Variants in CTIF observed in about 807,000 individuals in gnomAD.
The protein encoded by CTIF is cap binding complex dependent translation initiation factor.
In CTIF, 21 loss-of-function variants were observed where a neutral mutation model predicts 66.0. The observed-to-expected ratio is 0.32, with a 90% CI of 0.23 to 0.46. The LOEUF (loss-of-function observed/expected upper bound fraction) is 0.46, where lower values mean the gene tolerates loss of function less well. Ranked by LOEUF, CTIF falls within the 20% of genes least tolerant of loss-of-function variation. The pLI is 1.00. For synonymous variants in CTIF, 345 were observed against 326.4 expected (o/e 1.06, Z -0.62); for missense variants, 739 against 812.7 (o/e 0.91, Z 1.10).
intron 7 of CTIF, among the ~76,000 whole-genome samples, chr18:48,754,247 G>C (rs1181449731): frequency 6.6e-6 from 1 of 152,236 alleles, no homozygotes; most frequent in Non-Finnish European, 1.5e-5. Flanking sequence ...CAAGGAGGCT[G>C]TGTCTAAAGG....
chr18:48,857,482 C>A, intron 10 of CTIF, 106 bp from the exon 11 acceptor site: 1 of 909,034 alleles, frequency 1.1e-6, no homozygotes, highest in Non-Finnish European at 1.7e-6. Context: ...TTGTTACAGG[C>A]CGCATCAGGG....
chr18:48,742,464 G>A (rs748889985), intron 7 of CTIF, among the ~76,000 whole-genome samples: 48 of 152,220 alleles, frequency 3.2e-4, no homozygotes, highest in Non-Finnish European at 6.2e-4. Flanking sequence ...CACAGGAACC[G>A]TAGCAATGCC....
intron 7 of CTIF, among the ~76,000 whole-genome samples, chr18:48,713,050 C>T (rs1459121683): frequency 2.0e-5 from 3 of 152,200 alleles, no homozygotes; most frequent in Admixed American, 2.0e-4. Flanking sequence ...CCTGCCTTGA[C>T]CAGAGTACAG....
intron 2 of CTIF, among the ~76,000 whole-genome samples, chr18:48,620,657 A>G (rs1457331710): frequency 2.0e-5 from 3 of 152,218 alleles, no homozygotes; most frequent in Non-Finnish European, 4.4e-5. Flanking sequence ...CTGCACAAGC[A>G]TGTACAGGAG....
intron 10 of CTIF, among the ~76,000 whole-genome samples, chr18:48,851,994 G>T (rs1223864923): frequency 6.6e-6 from 1 of 152,052 alleles, no homozygotes; most frequent in Non-Finnish European, 1.5e-5. Flanking sequence ...CACTTTGGAA[G>T]GCCAAGGTGG....
At chr18:48,724,875 C>T (rs1028644216) in intron 7 of CTIF, among the ~76,000 whole-genome samples, 3 of 152,250 alleles carry the variant, frequency 2.0e-5, no homozygotes, top group African/African-American at 7.2e-5. Context: ...TGCATTGACA[C>T]CCGCCTGCAG....
intron 7 of CTIF, among the ~76,000 whole-genome samples, chr18:48,732,302 CAG>C (rs1021557745): frequency 3.4e-4 from 52 of 152,146 alleles, no homozygotes; most frequent in Non-Finnish European, 1.2e-4. Flanking sequence ...TCAGGGGTAA[CAG>C]AAGAACCTGG....
At chr18:48,830,082 G>A (rs529071373) in intron 10 of CTIF, among the ~76,000 whole-genome samples, 2 of 152,300 alleles carry the variant, frequency 1.3e-5, no homozygotes, top group African/African-American at 4.8e-5. Flanking sequence ...GGAATGCTAG[G>A]GGAAGAAGGT....
At chr18:48,790,484 C>A (rs117128847) in intron 9 of CTIF, among the ~76,000 whole-genome samples, 1 of 152,258 alleles carries the variant, frequency 6.6e-6, no homozygotes, top group Non-Finnish European at 1.5e-5. Context: ...TCCAACAGGA[C>A]GCCCCATGGA....
chr18:48,633,829 C>T (rs1371353447), intron 2 of CTIF, among the ~76,000 whole-genome samples: 2 of 152,110 alleles, frequency 1.3e-5, no homozygotes, highest in Admixed American at 6.5e-5. Flanking sequence ...TTATTTTAGA[C>T]TTATAGCCAA....
At chr18:48,767,359 A>G (rs1376293765) in intron 9 of CTIF, among the ~76,000 whole-genome samples, 1 of 152,092 alleles carries the variant, frequency 6.6e-6, no homozygotes, top group Non-Finnish European at 1.5e-5. Flanking sequence ...TCCACCCAGC[A>G]CTGCCCTGTC....
intron 1 of CTIF, among the ~76,000 whole-genome samples, chr18:48,589,922 G>A (rs75176614): frequency 0.012 from 1,769 of 152,286 alleles, 30 homozygotes; most frequent in African/African-American, 0.04. Context: ...AAGCTTGTTC[G>A]TGCTCTGGGA....
chr18:48,562,259 A>G (rs1052397709), intron 1 of CTIF, among the ~76,000 whole-genome samples: 2 of 152,268 alleles, frequency 1.3e-5, no homozygotes, highest in Non-Finnish European at 2.9e-5. Flanking sequence ...GAGCAGTAGT[A>G]TCATCACCCA....
chr18:48,702,104 G>C (rs1013170496), intron 6 of CTIF, among the ~76,000 whole-genome samples: 1 of 152,170 alleles, frequency 6.6e-6, no homozygotes, highest in Non-Finnish European at 1.5e-5. Context: ...TAAAAGAATG[G>C]TCCATGGTGA....
In CTIF at chr18:48,594,190, G is replaced by A. The variant is rs556259926; in HGVS notation, c.-28-25348G>A. On this transcript the variant is annotated intron_variant, in intron 1 of 11. Transcript: ENST00000256413. ...GGTCCTGGGGGATGCCTTGCTCACC[G>A]GCTGGCTTCCTGAGCCTGCACCCCA... Among the ~76,000 whole-genome samples the A allele has an allele frequency of 4.6e-5, 7 of 152,148 alleles. 1 individual carries two copies. Among genetic ancestry groups the A allele is most frequent in the East Asian group, 3.9e-4 (2 of 5,156 alleles).
intron 3 of CTIF, among the ~76,000 whole-genome samples, chr18:48,642,678 C>T (rs985441067): frequency 1.3e-5 from 2 of 152,140 alleles, no homozygotes; most frequent in Non-Finnish European, 2.9e-5. Flanking sequence ...AAAGTCTGTT[C>T]CCCTGTATCA....
chr18:48,820,299 A>G (rs1045807737), intron 10 of CTIF, among the ~76,000 whole-genome samples: 28 of 152,288 alleles, frequency 1.8e-4, no homozygotes, highest in African/African-American at 3.1e-4. Flanking sequence ...GAATTCTTCA[A>G]GCCATTTGCT....
intron 9 of CTIF, among the ~76,000 whole-genome samples, chr18:48,768,615 G>T (rs1015057684): frequency 3.9e-5 from 6 of 152,188 alleles, no homozygotes; most frequent in South Asian, 2.1e-4. Context: ...GGAAAATCAA[G>T]AATCCATATC....
chr18:48,850,181 G>A (rs1021180276), intron 10 of CTIF, among the ~76,000 whole-genome samples: 15 of 152,172 alleles, frequency 9.9e-5, no homozygotes, highest in African/African-American at 3.6e-4. Context: ...CCGTGTTGTG[G>A]CATGTGTCTC....
Sources: allele counts gnomAD v4.1 joint callset (sites outside exome capture counted in the v4.1 genomes callset), GRCh38; gene constraint gnomAD v4.1.1; transcripts MANE v1.5; gene names NCBI Gene and HGNC (gene_info 2026-07-23, HGNC 2026-07-21).